Variants in ZNF385B observed in about 807,000 individuals in gnomAD.
ZNF385B encodes the protein zinc finger protein 385B, also known as zinc finger protein 533.
A neutral mutation model predicts 39.2 loss-of-function variants in ZNF385B; 23 were observed. The ratio of observed to expected loss-of-function variants is 0.59; its 90% confidence interval spans 0.42 to 0.83. The LOEUF is 0.83. ZNF385B is among the 40% of genes least tolerant of loss of function. The pLI is 0.00. For missense variants in ZNF385B, 552 were observed against 598.9 expected, an observed-to-expected ratio of 0.92 and a Z score of 0.82; for synonymous variants, 205 against 222.6, an observed-to-expected ratio of 0.92 and a Z score of 0.70.
At chr2:179,728,234 T>C (rs1281908477) in intron 3 of ZNF385B, among the ~76,000 whole-genome samples, 1 of 152,132 alleles carries the variant, frequency 6.6e-6, no homozygotes, top group East Asian at 1.9e-4. Flanking sequence ...TAAAAAACAT[T>C]ACCCATTTTC....
At chr2:179,521,988 T>C (rs565253890) in intron 4 of ZNF385B, among the ~76,000 whole-genome samples, 86 of 152,324 alleles carry the variant, frequency 5.6e-4, no homozygotes, top group African/African-American at 2.0e-3. Context: ...ATTATTAAAT[T>C]CTATAGTTAT....
chr2:179,835,062 AG>A (rs2106604640), intron 1 of ZNF385B, among the ~76,000 whole-genome samples: 1 of 152,342 alleles, frequency 6.6e-6, no homozygotes, highest in African/African-American at 2.4e-5. Context: ...TGAGCTATAA[AG>A]GACAAAATTG....
intron 5 of ZNF385B, among the ~76,000 whole-genome samples, chr2:179,510,833 A>G (rs560131028): frequency 4.6e-5 from 7 of 152,336 alleles, no homozygotes; most frequent in Non-Finnish European, 8.8e-5. Flanking sequence ...GAAATGTGAT[A>G]GTTTAGAAGA....
At chr2:179,483,808 G>A (rs2054272504) in intron 5 of ZNF385B, among the ~76,000 whole-genome samples, 2 of 152,176 alleles carry the variant, frequency 1.3e-5, no homozygotes, top group South Asian at 4.1e-4. Context: ...ATGCCTGTGG[G>A]TATGACCTTC....
At chr2:179,672,447 G>C (rs1041523744) in intron 3 of ZNF385B, among the ~76,000 whole-genome samples, 2 of 152,128 alleles carry the variant, frequency 1.3e-5, no homozygotes, top group Non-Finnish European at 1.5e-5. Context: ...AAGACTTTCG[G>C]TTCTCTTGGG....
At chr2:179,739,128 T>G (rs1239089561) in intron 3 of ZNF385B, among the ~76,000 whole-genome samples, 2 of 152,216 alleles carry the variant, frequency 1.3e-5, no homozygotes, top group Non-Finnish European at 1.5e-5. Flanking sequence ...CCCTAATGCT[T>G]ACCTATAGGA....
At chr2:179,601,468 C>G (rs1206282651) in intron 3 of ZNF385B, among the ~76,000 whole-genome samples, 1 of 152,054 alleles carries the variant, frequency 6.6e-6, no homozygotes, top group African/African-American at 2.4e-5. Flanking sequence ...AGCAACTACA[C>G]TATAAAGTTT....
intron 3 of ZNF385B, among the ~76,000 whole-genome samples, chr2:179,768,901 G>T (rs1463335195): frequency 6.6e-6 from 1 of 152,230 alleles, no homozygotes; most frequent in Non-Finnish European, 1.5e-5. Context: ...AGGAAAGGGT[G>T]AGAGGCAAGT....
chr2:179,731,989 T>C (rs756482664), intron 3 of ZNF385B, among the ~76,000 whole-genome samples: 12 of 152,210 alleles, frequency 7.9e-5, no homozygotes, highest in Non-Finnish European at 1.6e-4. Context: ...CTAATCTGTA[T>C]GTAAAGAAAG....
intron 3 of ZNF385B, among the ~76,000 whole-genome samples, chr2:179,566,914 CTTTTTT>C (rs372093398): frequency 7.6e-6 from 1 of 131,628 alleles, no homozygotes; most frequent in African/African-American, 2.8e-5. Flanking sequence ...CTTTTCTTTT[CTTTTTT>C]TTTTTTTTTT....
chr2:179,604,300 TA>T (rs1688630336), intron 3 of ZNF385B, among the ~76,000 whole-genome samples: 1 of 151,998 alleles, frequency 6.6e-6, no homozygotes, highest in Non-Finnish European at 1.5e-5. Context: ...CTTTAAAGTA[TA>T]GAACTATTAA....
intron 5 of ZNF385B, among the ~76,000 whole-genome samples, chr2:179,493,723 G>GTATATACATATA (rs144537735): frequency 7.1e-6 from 1 of 140,060 alleles, no homozygotes; most frequent in Non-Finnish European, 1.5e-5. Context: ...ATGCATATAC[G>GTATATACATATA]TATATACATA....
At chr2:179,835,281 C>T (rs542470308) in intron 1 of ZNF385B, among the ~76,000 whole-genome samples, 4 of 152,144 alleles carry the variant, frequency 2.6e-5, no homozygotes, top group Admixed American at 6.5e-5. Context: ...AAACTGTTTC[C>T]AATTGTTGAA....
At chr2:179,616,430 T>C (rs1453201714) in intron 3 of ZNF385B, among the ~76,000 whole-genome samples, 2 of 151,474 alleles carry the variant, frequency 1.3e-5, no homozygotes, top group African/African-American at 4.9e-5. Context: ...ACCTCCCAGG[T>C]ACAAACGATT....
At chr2:179,749,558 T>C (rs1355978418) in intron 3 of ZNF385B, among the ~76,000 whole-genome samples, 1 of 152,110 alleles carries the variant, frequency 6.6e-6, no homozygotes, top group Non-Finnish European at 1.5e-5. Flanking sequence ...ACTGTTAAGA[T>C]GTGAAAGTCA....
intron 1 of ZNF385B, among the ~76,000 whole-genome samples, chr2:179,783,515 CA>C (rs1449861117): frequency 1.3e-5 from 2 of 152,002 alleles, no homozygotes; most frequent in Non-Finnish European, 2.9e-5. Context: ...TTCTGCACAG[CA>C]AAAGAAACTA....
At chr2:179,704,469 T>C (rs549103082) in intron 3 of ZNF385B, among the ~76,000 whole-genome samples, 20 of 152,268 alleles carry the variant, frequency 1.3e-4, no homozygotes, top group Admixed American at 6.5e-4. Context: ...AAGAAAAAAA[T>C]AGACTTTTCA....
chr2:179,498,369 C>G (rs558452792), intron 5 of ZNF385B, among the ~76,000 whole-genome samples: 1 of 152,074 alleles, frequency 6.6e-6, no homozygotes, highest in East Asian at 1.9e-4. Context: ...AACATTTAAT[C>G]TAATGGCTGT....
At chr2:179,576,247 G>T in intron 3 of ZNF385B, 1 of 894,024 alleles carries the variant, frequency 1.1e-6, no homozygotes, top group Non-Finnish European at 1.3e-6. Flanking sequence ...CATCTCCCAT[G>T]CCGCTGCCAG....
Sources: allele counts gnomAD v4.1 joint callset (sites outside exome capture counted in the v4.1 genomes callset), GRCh38; gene constraint gnomAD v4.1.1; transcripts MANE v1.5; gene names NCBI Gene and HGNC (gene_info 2026-07-23, HGNC 2026-07-21).